Variants in SLC35F1 observed in about 807,000 individuals in gnomAD.
SLC35F1 encodes the protein solute carrier family 35 member F1, also known as chromosome 6 open reading frame 169.
In SLC35F1, 14 loss-of-function variants were observed where a neutral mutation model predicts 48.7. That is an observed-to-expected ratio of 0.29 (90% CI 0.19 to 0.45). The LOEUF (loss-of-function observed/expected upper bound fraction) is 0.45, where lower values mean the gene tolerates loss of function less well. SLC35F1 is among the 20% of genes least tolerant of loss of function. The pLI, the probability that SLC35F1 is intolerant of heterozygous loss-of-function variation, is 1.00. For synonymous variants in SLC35F1, 190 were observed against 202.2 expected (o/e 0.94, Z 0.51); for missense variants, 404 against 500.0 (o/e 0.81, Z 1.83).
At chr6:118,045,050 G>A (rs982063210) in intron 1 of SLC35F1, among the ~76,000 whole-genome samples, 12 of 152,282 alleles carry the variant, frequency 7.9e-5, no homozygotes, top group African/African-American at 2.9e-4. Context: ...GGTATGATGA[G>A]AAGTTTTTAA....
intron 1 of SLC35F1, among the ~76,000 whole-genome samples, chr6:117,963,690 C>T (rs960416713): frequency 6.6e-6 from 1 of 152,144 alleles, no homozygotes; most frequent in African/African-American, 2.4e-5. Flanking sequence ...TGATTCTGTA[C>T]TCTCTTTCAC....
At chr6:118,097,344 C>T (rs1773191792) in intron 1 of SLC35F1, among the ~76,000 whole-genome samples, 1 of 152,222 alleles carries the variant, frequency 6.6e-6, no homozygotes. Flanking sequence ...ATGTCTGCTT[C>T]CAAAGGGAGA....
At chr6:118,218,483 TA>T (rs1432211994) in intron 2 of SLC35F1, among the ~76,000 whole-genome samples, 2 of 152,110 alleles carry the variant, frequency 1.3e-5, no homozygotes, top group Non-Finnish European at 2.9e-5. Context: ...GCAAAGGAAG[TA>T]AAAAGGGCTG....
intron 2 of SLC35F1, among the ~76,000 whole-genome samples, chr6:118,232,174 C>G (rs182618461): frequency 2.0e-4 from 30 of 152,160 alleles, no homozygotes; most frequent in African/African-American, 6.8e-4. Flanking sequence ...CAATTCTGCT[C>G]TCTCCAAATT....
Position 118,154,426 on chromosome 6 carries a change from T to C in SLC35F1, c.174-19T>C, listed in dbSNP as rs769021372. On this transcript the variant is annotated intron_variant, in intron 1 of 7. Coordinates refer to ENST00000360388, the MANE Select transcript of SLC35F1 (RefSeq NM_001029858.4). ...CTTCCTGCTGACCTTTGCTGTGTTT[T>C]TTTTCCTTTATTTCTCAGGGAGATG... 2.5e-5 allele frequency: 39 copies of C among 1,589,922 alleles called. 1 individual carries two copies. In the East Asian group the frequency reaches 8.3e-4, roughly 34 times the overall value.
intron 1 of SLC35F1, among the ~76,000 whole-genome samples, chr6:118,089,184 A>G (rs977240434): frequency 6.6e-6 from 1 of 152,140 alleles, no homozygotes; most frequent in African/African-American, 2.4e-5. Context: ...GCGTTTGATA[A>G]CCATTTTTAT....
intron 1 of SLC35F1, among the ~76,000 whole-genome samples, chr6:117,936,534 A>G (rs1464541023): frequency 6.6e-6 from 1 of 152,200 alleles, no homozygotes; most frequent in African/African-American, 2.4e-5. Flanking sequence ...TTTCCTCATC[A>G]AAGACTGAAT....
chr6:118,208,785 G>A (rs1774968676), intron 2 of SLC35F1, among the ~76,000 whole-genome samples: 1 of 152,158 alleles, frequency 6.6e-6, no homozygotes, highest in African/African-American at 2.4e-5. Flanking sequence ...GCTGTGGCAT[G>A]CTGAGTACTT....
At chr6:117,985,113 C>A (rs558964556) in intron 1 of SLC35F1, among the ~76,000 whole-genome samples, 1 of 152,276 alleles carries the variant, frequency 6.6e-6, no homozygotes, top group East Asian at 1.9e-4. Flanking sequence ...TCTGTAGTTG[C>A]CTGAGCTTTT....
intron 1 of SLC35F1, among the ~76,000 whole-genome samples, chr6:117,966,130 C>T (rs551201830): frequency 1.1e-4 from 3 of 27,174 alleles, no homozygotes; most frequent in East Asian, 1.7e-3. Context: ...AGCAGGCCAC[C>T]GCCCCCCCCC....
chr6:117,923,686 C>CATATACATATGT (rs1554216712), intron 1 of SLC35F1, among the ~76,000 whole-genome samples: 1 of 65,302 alleles, frequency 1.5e-5, no homozygotes, highest in African/African-American at 4.5e-5. Context: ...TACATATATA[C>CATATACATATGT]ATATGTACAT....
intron 1 of SLC35F1, among the ~76,000 whole-genome samples, chr6:118,132,192 A>G (rs1001076807): frequency 1.6e-4 from 24 of 152,284 alleles, no homozygotes; most frequent in African/African-American, 5.8e-4. Flanking sequence ...ATGTCACTTT[A>G]TAGCCCTTTG....
chr6:117,963,603 C>G (rs1160484517), intron 1 of SLC35F1, among the ~76,000 whole-genome samples: 1 of 152,040 alleles, frequency 6.6e-6, no homozygotes, highest in African/African-American at 2.4e-5. Context: ...CTCCTAAAGT[C>G]TTTCTAGACA....
rs112947998 is a variant in SLC35F1 at position 118,237,546 on chromosome 6, C to T, written c.477+1910C>T. On this transcript the variant is annotated intron_variant, in intron 3 of 7. Transcript: ENST00000360388. ...CTGGGACTACAGGCACATGCCACCA[C>T]ACCTGGCTAATTTTTGTAGTTTTTC... Among the ~76,000 whole-genome samples the T allele has an allele frequency of 9.3e-3, 1,415 of 152,246 alleles. 19 individuals carry two copies. The highest frequency in any genetic ancestry group is 0.032 in the African/African-American group (1,345 of 41,570).
chr6:118,238,770 C>A (rs997030016), intron 3 of SLC35F1, among the ~76,000 whole-genome samples: 2 of 152,044 alleles, frequency 1.3e-5, no homozygotes, highest in African/African-American at 4.8e-5. Context: ...ACACTAATGG[C>A]CAAGGGGAAT....
intron 7 of SLC35F1, among the ~76,000 whole-genome samples, chr6:118,307,007 A>G (rs1776319487): frequency 1.3e-5 from 2 of 152,362 alleles, no homozygotes; most frequent in South Asian, 2.1e-4. Context: ...CATAAACCAA[A>G]CTGGGATAGC....
At chr6:118,100,485 C>T (rs1273666712) in intron 1 of SLC35F1, among the ~76,000 whole-genome samples, 1 of 152,160 alleles carries the variant, frequency 6.6e-6, no homozygotes, top group African/African-American at 2.4e-5. Flanking sequence ...GAACCACTCA[C>T]AGAACTCAGG....
Position 118,016,389 on chromosome 6 carries a change from C to T in SLC35F1, c.173+108490C>T, listed in dbSNP as rs143071852. On this transcript the variant is annotated intron_variant, in intron 1 of 7. Transcript: ENST00000360388. ...AATACAGAAAAAAGAAAAACATCCC[C>T]CATGTAACATTGTTTCCCACAAAAA... is the stretch of plus-strand genomic sequence containing the variant. Among the ~76,000 whole-genome samples the T allele has an allele frequency of 1.1e-4, 16 of 152,206 alleles. No homozygotes were observed. The East Asian group carries it at 3.1e-3, about 29-fold the overall frequency.
intron 1 of SLC35F1, among the ~76,000 whole-genome samples, chr6:118,104,651 A>G (rs1773304910): frequency 6.6e-6 from 1 of 152,208 alleles, no homozygotes; most frequent in Non-Finnish European, 1.5e-5. Context: ...TTTTTAAAGT[A>G]AATAAAGGAC....
Sources: allele counts gnomAD v4.1 joint callset (sites outside exome capture counted in the v4.1 genomes callset), GRCh38; gene constraint gnomAD v4.1.1; transcripts MANE v1.5; gene names NCBI Gene and HGNC (gene_info 2026-07-23, HGNC 2026-07-21).